Variants in MEF2A observed in about 807,000 individuals in gnomAD.
MEF2A encodes myocyte enhancer factor 2A.
A neutral mutation model predicts 55.8 loss-of-function variants in MEF2A; 28 were observed. The observed-to-expected ratio is 0.50, with a 90% CI of 0.37 to 0.69. The LOEUF (loss-of-function observed/expected upper bound fraction) is 0.69. Ranked by LOEUF, MEF2A falls within the 30% of genes least tolerant of loss-of-function variation. MEF2A has a pLI of 0.00. For missense variants in MEF2A, 528 were observed against 626.2 expected (o/e 0.84, Z 1.67); for synonymous variants, 239 against 227.1 (o/e 1.05, Z -0.47).
chr15:99,707,528 C>T (rs1448933068), intron 10 of MEF2A, among the ~76,000 whole-genome samples: 6 of 152,132 alleles, frequency 3.9e-5, no homozygotes, highest in African/African-American at 1.4e-4. Context: ...AAGAATATTA[C>T]AGTGATCGTA....
intron 2 of MEF2A, among the ~76,000 whole-genome samples, chr15:99,602,838 T>C (rs1311975614): frequency 6.6e-6 from 1 of 151,602 alleles, no homozygotes. Context: ...CATGTCTGAC[T>C]AGCTACCTAC....
At chr15:99,674,309 T>G in intron 5 of MEF2A, 84 bp from the exon 6 acceptor site, 1 of 1,255,540 alleles carries the variant, frequency 8.0e-7, no homozygotes, top group Non-Finnish European at 1.1e-6. Context: ...TAACTTGAGT[T>G]ACCTTGCCAA....
chr15:99,678,941 A>G (rs551430334), intron 7 of MEF2A, among the ~76,000 whole-genome samples: 1 of 152,344 alleles, frequency 6.6e-6, no homozygotes, highest in African/African-American at 2.4e-5. Flanking sequence ...GAAAATGTGC[A>G]TGAGAACACA....
rs180932220 is a variant in MEF2A, at chr15:99,630,041, C to G, written c.-142-2937C>G. On this transcript the variant is annotated intron_variant, in intron 2 of 11. Coordinates refer to ENST00000557942, the MANE Select transcript of MEF2A (RefSeq NM_001319206.4). Reference sequence around the variant, plus strand: ...CCCTCCCCTCTTTCTTTCCTTCTCCCCCTCTCTCCCCTTTGATGTTCCTAA... The same window carrying G: ...CCCTCCCCTCTTTCTTTCCTTCTCCGCCTCTCTCCCCTTTGATGTTCCTAA... Among the ~76,000 whole-genome samples, 46 of 148,880 alleles carry G rather than the reference C, an allele frequency of 3.1e-4. No homozygotes were observed. In the East Asian group the frequency reaches 8.8e-3, roughly 29 times the overall value.
intron 1 of MEF2A, among the ~76,000 whole-genome samples, chr15:99,571,805 A>C (rs746060819): frequency 1.3e-5 from 2 of 152,150 alleles, no homozygotes; most frequent in Non-Finnish European, 2.9e-5. Flanking sequence ...ACCCAAGCCA[A>C]AAACTTAAGA....
rs758761029 is a variant in MEF2A at position 99,706,809 on chromosome 15, T to C, written c.963T>C (p.Pro321=). 4 of 1,614,008 alleles carry C rather than the reference T, an allele frequency of 2.5e-6. No individual in the cohort carries two copies. The highest frequency in any genetic ancestry group is 2.5e-6 in the Non-Finnish European group (3 of 1,179,878). ...PVVSVTTPSL[P]PQGLVYSAMP... ...TGTCTGTGACAACCCCAAGCTTGCC[T>C]CCGCAAGGACTTGTGTACTCAGCAA... Residue 321 remains proline (P), a synonymous_variant, in exon 10 of 12, where the codon CCT becomes CCC. Coordinates refer to ENST00000557942, the MANE Select transcript of MEF2A (RefSeq NM_001319206.4).
chr15:99,659,148 A>T (rs1313802797), intron 4 of MEF2A, among the ~76,000 whole-genome samples: 5 of 152,198 alleles, frequency 3.3e-5, no homozygotes, highest in Non-Finnish European at 7.3e-5. Flanking sequence ...GCTCTATCTT[A>T]GTATTCATTT....
chr15:99,596,769 C>G (rs1027628212), intron 1 of MEF2A, among the ~76,000 whole-genome samples: 4 of 152,140 alleles, frequency 2.6e-5, no homozygotes, highest in African/African-American at 9.7e-5. Context: ...TATCTTCAAG[C>G]AAGAATGTAG....
At chr15:99,634,755 A>G (rs894072073) in intron 3 of MEF2A, among the ~76,000 whole-genome samples, 2 of 152,250 alleles carry the variant, frequency 1.3e-5, no homozygotes, top group African/African-American at 4.8e-5. Context: ...CTAAGCAACT[A>G]GAATGAGGCT....
intron 4 of MEF2A, chr15:99,657,320 A>C (rs911045550): frequency 6.6e-6 from 1 of 151,842 alleles, no homozygotes; most frequent in African/African-American, 2.4e-5. Context: ...CTTAAAAAAA[A>C]AAATAGCAAA....
Position 99,703,387 on chromosome 15 carries a change from T to A in MEF2A, c.882+2T>A. 1.2e-6 allele frequency: 2 copies of A among 1,607,912 alleles called. No individual in the cohort carries two copies. Among genetic ancestry groups the A allele is most frequent in the Non-Finnish European group, 1.7e-6 (2 of 1,177,334 alleles). ...TCGGAGGAAGAGGAATTGGAGTTGG[T>A]GAGTGTGGGTTTCTGCTTGAAGGAA... On this transcript the variant is annotated splice_donor_variant, in intron 9 of 11. Coordinates refer to ENST00000557942, the MANE Select transcript of MEF2A (RefSeq NM_001319206.4). LOFTEE classifies it high-confidence loss of function.
intron 1 of MEF2A, among the ~76,000 whole-genome samples, chr15:99,578,419 A>G (rs1387992831): frequency 1.3e-5 from 2 of 152,156 alleles, no homozygotes; most frequent in Non-Finnish European, 2.9e-5. Context: ...CTTCAGCTTG[A>G]AAGCTCTTCT....
rs2058820779 is a variant in MEF2A, at chr15:99,712,905, A to G, written c.*134A>G. The G allele has an allele frequency of 9.6e-7, 1 of 1,038,320 alleles. No individual in the cohort carries two copies. Among genetic ancestry groups the G allele is most frequent in the Admixed American group, 3.0e-5 (1 of 32,864 alleles). 64.3% of individuals were successfully genotyped at this position (1,038,320 alleles called of 1,614,324 possible). A position where few individuals can be genotyped will look rare whatever the true frequency, so the allele number is the denominator to read the frequency against. On this transcript the variant is annotated 3_prime_UTR_variant, in exon 12 of 12. Coordinates refer to ENST00000557942, the MANE Select transcript of MEF2A (RefSeq NM_001319206.4). This position sits in a 1 kb window ranked among gnomAD's most constrained non-coding sequence, Gnocchi z 4.1. ...TATATATCCCTTTACATATATATGT[A>G]TGTGGGTGTGAGTGTGTATGTGTGG...
intron 4 of MEF2A, among the ~76,000 whole-genome samples, chr15:99,652,416 T>C (rs2047005594): frequency 6.6e-6 from 1 of 152,186 alleles, no homozygotes; most frequent in South Asian, 2.1e-4. Flanking sequence ...TACTTCCTGC[T>C]GTGCAACCTG....
At chr15:99,586,049 G>T (rs187274160) in intron 1 of MEF2A, among the ~76,000 whole-genome samples, 1 of 152,170 alleles carries the variant, frequency 6.6e-6, no homozygotes, top group East Asian at 1.9e-4. Context: ...CTGTTGACTA[G>T]TGTTCCTTTT....
At chr15:99,687,606 TTTCTTCTG>T (rs2054543400) in intron 7 of MEF2A, among the ~76,000 whole-genome samples, 1 of 152,236 alleles carries the variant, frequency 6.6e-6, no homozygotes, top group Admixed American at 6.5e-5. Flanking sequence ...TGCCTTCTCT[TTTCTTCTG>T]TTCTTCTCTC....
chr15:99,639,814 G>A (rs2044566266), intron 3 of MEF2A, among the ~76,000 whole-genome samples: 1 of 151,952 alleles, frequency 6.6e-6, no homozygotes, highest in African/African-American at 2.4e-5. Context: ...TCTGGTCTTA[G>A]GAAAGTGAAA....
chr15:99,712,549 ACCGCAGCCCCAGCCACAACCC>A lies in MEF2A; in HGVS notation c.1311_1331del (p.Gln438_Pro444del), dbSNP rs759225577. 241 of 1,550,184 alleles carry A rather than the reference ACCGCAGCCCCAGCCACAACCC, an allele frequency of 1.6e-4. No homozygotes were observed. The East Asian group carries it at 1.8e-3, about 11-fold the overall frequency. The stretch of plus-strand genomic sequence containing the variant: ...AGCAGCAGCAGCAGCCGCCGCCACC[ACCGCAGCCCCAGCCACAACCC>A]CCGCAGCCCCAGCCCCGACAGGAAA... On this transcript the variant is annotated inframe_deletion, in exon 12 of 12. Coordinates refer to ENST00000557942, the MANE Select transcript of MEF2A (RefSeq NM_001319206.4). The surrounding 1 kb of genome is among the most constrained non-coding windows in gnomAD (Gnocchi z 4.1).
chr15:99,707,084 TTC>T (rs2058121555), intron 10 of MEF2A, among the ~76,000 whole-genome samples: 1 of 152,174 alleles, frequency 6.6e-6, no homozygotes. Context: ...AGTGTGAACT[TTC>T]ACTTAACCCC....
Sources: allele counts gnomAD v4.1 joint callset (sites outside exome capture counted in the v4.1 genomes callset), GRCh38; gene constraint gnomAD v4.1.1; non-coding constraint Gnocchi (gnomAD v3.1); transcripts MANE v1.5; gene names NCBI Gene and HGNC (gene_info 2026-07-23, HGNC 2026-07-21).